QTMAN: variants seen among roughly 807,000 people sequenced by gnomAD.
The protein encoded by QTMAN is tRNA-queuosine alpha-mannosyltransferase.
chr2:144,124,278 C>T, the QTMAN span, among the ~76,000 whole-genome samples: 1 of 152,112 alleles, frequency 6.6e-6, no homozygotes, highest in African/African-American at 2.4e-5. Flanking sequence ...TGAAGCCAGA[C>T]ACATCAAAGT....
chr2:144,155,524 T>C, the QTMAN span, among the ~76,000 whole-genome samples: 2 of 152,202 alleles, frequency 1.3e-5, no homozygotes, highest in African/African-American at 2.4e-5. Flanking sequence ...TACATTGGAA[T>C]GTTCTTTGCC....
At chr2:144,258,007 G>A in the QTMAN span, among the ~76,000 whole-genome samples, 10 of 151,986 alleles carry the variant, frequency 6.6e-5, no homozygotes, top group Admixed American at 3.3e-4. Context: ...GATGAAAAGC[G>A]AGTTGGCAGG....
the QTMAN span, chr2:144,178,858 T>C: frequency 2.7e-5 from 10 of 374,416 alleles, no homozygotes; most frequent in Non-Finnish European, 5.5e-5. Flanking sequence ...TTCAGGAAGC[T>C]GGATCCAGGC....
the QTMAN span, among the ~76,000 whole-genome samples, chr2:144,331,223 A>G: frequency 6.6e-6 from 1 of 152,186 alleles, no homozygotes; most frequent in East Asian, 1.9e-4. Context: ...CCTGGAACGC[A>G]CTAATTAAAA....
At chr2:144,180,571 A>G in the QTMAN span, among the ~76,000 whole-genome samples, 1 of 152,218 alleles carries the variant, frequency 6.6e-6, no homozygotes, top group Non-Finnish European at 1.5e-5. Flanking sequence ...GGAAGTTCTC[A>G]AAATTTTTGT....
chr2:144,127,149 G>C, the QTMAN span, among the ~76,000 whole-genome samples: 1 of 151,902 alleles, frequency 6.6e-6, no homozygotes, highest in Non-Finnish European at 1.5e-5. Context: ...AGCATGAAGA[G>C]AAACAGGTTT....
At chr2:144,085,033 G>A in the QTMAN span, among the ~76,000 whole-genome samples, 5 of 152,150 alleles carry the variant, frequency 3.3e-5, no homozygotes, top group African/African-American at 4.8e-5. Flanking sequence ...ATGAACATTT[G>A]ACCGCTCTTT....
chr2:144,101,340 A>C, the QTMAN span, among the ~76,000 whole-genome samples: 1 of 152,078 alleles, frequency 6.6e-6, no homozygotes, highest in East Asian at 1.9e-4. Flanking sequence ...AAGAATCTCT[A>C]CAACTTGATC....
At chr2:144,243,597 G>C in the QTMAN span, among the ~76,000 whole-genome samples, 1 of 152,118 alleles carries the variant, frequency 6.6e-6, no homozygotes, top group African/African-American at 2.4e-5. Flanking sequence ...CGACTTGAAA[G>C]GTCACTTGGT....
chr2:143,985,236 T>C, the QTMAN span, among the ~76,000 whole-genome samples: 1 of 152,212 alleles, frequency 6.6e-6, no homozygotes, highest in Non-Finnish European at 1.5e-5. Flanking sequence ...CCCCCTGGCT[T>C]GTGTGCTCCC....
the QTMAN span, among the ~76,000 whole-genome samples, chr2:143,977,159 G>C: frequency 6.6e-6 from 1 of 151,952 alleles, no homozygotes; most frequent in African/African-American, 2.4e-5. Context: ...GTCTACTCCC[G>C]TGAATCCAAA....
At chr2:144,284,866 C>G in the QTMAN span, among the ~76,000 whole-genome samples, 1 of 150,218 alleles carries the variant, frequency 6.7e-6, no homozygotes, top group Non-Finnish European at 1.5e-5. Context: ...GACCTCATCT[C>G]TATAAAAAAA....
At chr2:144,169,733 GTT>G in the QTMAN span, among the ~76,000 whole-genome samples, 2 of 151,904 alleles carry the variant, frequency 1.3e-5, no homozygotes, top group East Asian at 3.9e-4. Context: ...GATTGCATGG[GTT>G]TTAAATGTAT....
chr2:144,328,396 T>C, the QTMAN span, among the ~76,000 whole-genome samples: 1 of 152,238 alleles, frequency 6.6e-6, no homozygotes. Flanking sequence ...TTTTGAAATA[T>C]TCTAGATGCC....
chr2:143,978,520 A>T, the QTMAN span, among the ~76,000 whole-genome samples: 1 of 152,180 alleles, frequency 6.6e-6, no homozygotes, highest in Non-Finnish European at 1.5e-5. Context: ...TCAGCTGTCT[A>T]ACTTGCCAAT....
At chr2:144,205,527 T>C in the QTMAN span, among the ~76,000 whole-genome samples, 5 of 152,152 alleles carry the variant, frequency 3.3e-5, no homozygotes, top group African/African-American at 1.2e-4. Context: ...CAATGTTGCT[T>C]CACTCCCAAG....
chr2:144,242,997 CTA>C, the QTMAN span, among the ~76,000 whole-genome samples: 1 of 142,824 alleles, frequency 7.0e-6, no homozygotes, highest in South Asian at 2.2e-4. Context: ...AGTATTCTGC[CTA>C]TACTACCGTA....
the QTMAN span, among the ~76,000 whole-genome samples, chr2:144,106,131 G>T: frequency 6.6e-6 from 1 of 152,168 alleles, no homozygotes; most frequent in Non-Finnish European, 1.5e-5. Flanking sequence ...GGAACAACCG[G>T]TATCAGCCAC....
the QTMAN span, among the ~76,000 whole-genome samples, chr2:144,188,126 G>A: frequency 5.9e-5 from 9 of 152,200 alleles, no homozygotes; most frequent in South Asian, 8.3e-4. Context: ...AGAACTGTGA[G>A]AGAATAAATT....
Sources: allele counts gnomAD v4.1 joint callset (sites outside exome capture counted in the v4.1 genomes callset), GRCh38; gene constraint gnomAD v4.1.1; transcripts MANE v1.5; gene names NCBI Gene and HGNC (gene_info 2026-07-23, HGNC 2026-07-21).